Variants in RBMS3 observed in about 807,000 individuals in gnomAD.
The protein encoded by RBMS3 is RNA-binding motif, single-stranded-interacting protein 3.
In RBMS3, 27 loss-of-function variants were observed where a neutral mutation model predicts 66.8. That is an observed-to-expected ratio of 0.40 (90% CI 0.30 to 0.56). The LOEUF (loss-of-function observed/expected upper bound fraction) is 0.56. Among genes scored for constraint, RBMS3 ranks in the 20% least tolerant of loss-of-function variants. RBMS3 has a pLI of 0.40. For missense variants in RBMS3, 513 were observed against 549.5 expected (o/e 0.93, Z 0.66); for synonymous variants, 188 against 183.0 (o/e 1.03, Z -0.22).
chr3:29,355,127 A>C (rs528444118), intron 1 of RBMS3, among the ~76,000 whole-genome samples: 6 of 152,218 alleles, frequency 3.9e-5, no homozygotes, highest in Admixed American at 3.3e-4. Context: ...TTATTCATTT[A>C]ATTACATGAG....
At chr3:29,765,680 TAAGA>T (rs2055891629) in intron 6 of RBMS3, 1 of 151,956 alleles carries the variant, frequency 6.6e-6, no homozygotes, top group Admixed American at 6.6e-5. Flanking sequence ...CCTCGGGTCT[TAAGA>T]AAGCTGTGGA....
At chr3:29,678,196 G>A (rs1313695518) in intron 4 of RBMS3, among the ~76,000 whole-genome samples, 2 of 152,080 alleles carry the variant, frequency 1.3e-5, no homozygotes, top group African/African-American at 4.8e-5. Context: ...TTGAAACCTT[G>A]GTTGATATAA....
intron 6 of RBMS3, among the ~76,000 whole-genome samples, chr3:29,830,300 A>C (rs2058337972): frequency 6.6e-6 from 1 of 152,200 alleles, no homozygotes; most frequent in Admixed American, 6.6e-5. Context: ...GTCAAGGTTT[A>C]ATTCAAAACA....
At chr3:29,325,709 C>T (rs2035298011) in intron 1 of RBMS3, among the ~76,000 whole-genome samples, 1 of 151,572 alleles carries the variant, frequency 6.6e-6, no homozygotes, top group Admixed American at 6.6e-5. Context: ...TATAGTTATC[C>T]AAACTCACAG....
chr3:29,550,171 G>A (rs2046132929), intron 3 of RBMS3, among the ~76,000 whole-genome samples: 1 of 152,158 alleles, frequency 6.6e-6, no homozygotes, highest in Non-Finnish European at 1.5e-5. Context: ...CGTAGGCTTT[G>A]CAGCAGTAAC....
At chr3:29,372,356 C>T (rs4680722) in intron 1 of RBMS3, among the ~76,000 whole-genome samples, 13,977 of 151,950 alleles carry the variant, frequency 0.092, 828 homozygotes, top group Non-Finnish European at 0.13. Context: ...TTTACCAAAG[C>T]ATTGATTTTA....
At chr3:29,968,859 C>G (rs1233736544) in intron 12 of RBMS3, among the ~76,000 whole-genome samples, 36 of 152,208 alleles carry the variant, frequency 2.4e-4, no homozygotes, top group Admixed American at 2.4e-3. Flanking sequence ...TTCTGCCTTC[C>G]GTCCACCATG....
At chr3:29,746,639 T>G (rs2054907239) in intron 5 of RBMS3, among the ~76,000 whole-genome samples, 1 of 152,160 alleles carries the variant, frequency 6.6e-6, no homozygotes, top group Non-Finnish European at 1.5e-5. Context: ...CATCAGAAAG[T>G]CAAAATCACA....
At chr3:29,478,807 A>T (rs914557049) in intron 2 of RBMS3, among the ~76,000 whole-genome samples, 1 of 152,234 alleles carries the variant, frequency 6.6e-6, no homozygotes, top group Non-Finnish European at 1.5e-5. Context: ...TTGTACTAGA[A>T]TGTGCTACAT....
chr3:29,503,736 C>T (rs903572900), intron 3 of RBMS3, among the ~76,000 whole-genome samples: 2 of 152,084 alleles, frequency 1.3e-5, no homozygotes, highest in African/African-American at 4.8e-5. Context: ...CTCAGGTAGA[C>T]CACAGATGTA....
chr3:29,606,314 G>A (rs1455710918), intron 4 of RBMS3, among the ~76,000 whole-genome samples: 1 of 151,826 alleles, frequency 6.6e-6, no homozygotes, highest in Non-Finnish European at 1.5e-5. Flanking sequence ...AAATATTTAT[G>A]GATCACTACT....
intron 1 of RBMS3, among the ~76,000 whole-genome samples, chr3:29,339,549 C>A (rs569038280): frequency 6.6e-6 from 1 of 151,004 alleles, no homozygotes; most frequent in African/African-American, 2.4e-5. Flanking sequence ...AATGACACTG[C>A]AGAGTGATTA....
At chr3:29,931,483 A>T (rs2061123147) in intron 10 of RBMS3, among the ~76,000 whole-genome samples, 1 of 152,172 alleles carries the variant, frequency 6.6e-6, no homozygotes, top group African/African-American at 2.4e-5. Flanking sequence ...TTCAAACATA[A>T]TTTTTTAAAG....
chr3:29,652,394 C>A (rs946627265), intron 4 of RBMS3, among the ~76,000 whole-genome samples: 4 of 152,068 alleles, frequency 2.6e-5, no homozygotes, highest in East Asian at 3.8e-4. Flanking sequence ...CTCTCCAAAG[C>A]ACGTAGAACC....
intron 3 of RBMS3, among the ~76,000 whole-genome samples, chr3:29,513,832 C>A (rs761240562): frequency 2.6e-5 from 4 of 152,120 alleles, no homozygotes; most frequent in Non-Finnish European, 5.9e-5. Context: ...TTCCTAATTT[C>A]ATTCTATACT....
chr3:29,592,330 TA>T (rs1329016944), intron 4 of RBMS3, among the ~76,000 whole-genome samples: 9 of 151,716 alleles, frequency 5.9e-5, no homozygotes, highest in African/African-American at 9.7e-5. Context: ...AACAACCTCA[TA>T]AAAAAAGTGG....
At chr3:29,562,222 C>A (rs990042118) in intron 3 of RBMS3, among the ~76,000 whole-genome samples, 1 of 152,064 alleles carries the variant, frequency 6.6e-6, no homozygotes, top group Non-Finnish European at 1.5e-5. Context: ...GCTGGATGGG[C>A]CCTGCAATAA....
intron 6 of RBMS3, among the ~76,000 whole-genome samples, chr3:29,816,516 T>A (rs2149467456): frequency 6.6e-6 from 1 of 152,284 alleles, no homozygotes; most frequent in African/African-American, 2.4e-5. Context: ...ACTTTTTTTT[T>A]GTTAATTGGC....
chr3:29,611,655 C>A (rs1269035032), intron 4 of RBMS3, among the ~76,000 whole-genome samples: 1 of 151,800 alleles, frequency 6.6e-6, no homozygotes, highest in Non-Finnish European at 1.5e-5. Context: ...AGGGCAGGAG[C>A]TCCGTATTCA....
Sources: gnomAD v4.1 joint callset for allele counts (sites outside exome capture counted in the v4.1 genomes callset) on GRCh38, gnomAD v4.1.1 for gene constraint, MANE v1.5 for transcripts, NCBI Gene and HGNC (gene_info 2026-07-23, HGNC 2026-07-21) for gene names.